Variants in TOM1L1 observed in about 807,000 individuals in gnomAD.
TOM1L1 encodes the protein TOM1-like protein 1.
Under a neutral mutation model 63.4 loss-of-function variants are expected in TOM1L1, and 64 were observed. The observed-to-expected ratio is 1.01, with a 90% CI of 0.83 to 1.24. The LOEUF is 1.24. Among genes scored for constraint, TOM1L1 ranks in the 50% most tolerant of loss-of-function variants. The probability of loss-of-function intolerance (pLI) is 0.00; values close to 1 mark genes in which losing one functional copy is unlikely to be tolerated. For synonymous variants in TOM1L1, 166 were observed against 194.4 expected (o/e 0.85, Z 1.22); for missense variants, 536 against 567.0 (o/e 0.95, Z 0.55).
chr17:54,932,755 C>A (rs942900392), intron 8 of TOM1L1, among the ~76,000 whole-genome samples: 1 of 152,148 alleles, frequency 6.6e-6, no homozygotes, highest in African/African-American at 2.4e-5. Flanking sequence ...AAGAAACTCA[C>A]AATTGTTACT....
At chr17:54,959,410 C>G (rs531272509) in intron 14 of TOM1L1, 4 of 151,906 alleles carry the variant, frequency 2.6e-5, no homozygotes, top group Admixed American at 1.3e-4. Context: ...CCTGGGAGGT[C>G]GAAGCTGCAA....
intron 11 of TOM1L1, among the ~76,000 whole-genome samples, chr17:54,945,542 CTGTT>C (rs767063009): frequency 1.2e-4 from 18 of 152,204 alleles, no homozygotes; most frequent in South Asian, 2.1e-4. Context: ...GTTTGGGGTC[CTGTT>C]TGTTTGTTTC....
rs2048834651 is a variant in TOM1L1 at position 54,930,157 on chromosome 17, C to T, written c.805C>T (p.Leu269=). ...GGAGAACGAAGATGTAACTGTTGAG[C>T]TAATTCAGGTGAATGAGGATTTGAA... ...VVENEDVTVE[L]IQVNEDLNNA... Residue 269 remains leucine, a synonymous_variant, in exon 8 of 16, where the codon CTA becomes TTA. Coordinates refer to ENST00000575882, the MANE Select transcript of TOM1L1 (RefSeq NM_005486.3). 2 of 1,614,052 alleles carry T rather than the reference C, an allele frequency of 1.2e-6. No homozygotes were observed. The highest frequency in any genetic ancestry group is 1.7e-6 in the Non-Finnish European group (2 of 1,179,994).
At chr17:54,957,623 A>G (rs1157993566) in intron 14 of TOM1L1, 1 of 152,108 alleles carries the variant, frequency 6.6e-6, no homozygotes, top group Admixed American at 6.5e-5. Flanking sequence ...GTTCTTTTGA[A>G]AGTCCCATGA....
chr17:54,952,619 C>T (rs2143989891), intron 14 of TOM1L1: 1 of 151,810 alleles, frequency 6.6e-6, no homozygotes, highest in East Asian at 1.9e-4. Context: ...CATGGACCTT[C>T]CTAATGTTAA....
In TOM1L1 at chr17:54,915,813, T is replaced by C. The variant is rs146206619; in HGVS notation, c.671T>C (p.Met224Thr). The C allele has an allele frequency of 3.5e-4, 558 of 1,613,888 alleles. 6 individuals carry two copies. In the East Asian group the frequency reaches 0.011, roughly 32 times the overall value. ...MNVRVMSAIL[M>T]ENTPGSENHE... ...GTGCGAGTGATGTCCGCCATATTGA[T>C]GGAGAATACTCCTGGGTCTGAAAAC... is the stretch of plus-strand genomic sequence containing the variant. The change falls in exon 7 of 16, where the codon ATG (methionine) becomes ACG (threonine). Residue 224 changes from methionine (M) to threonine (T), a missense_variant. Physicochemically the swap from Met to Thr is moderately conservative, Grantham distance 81 (BLOSUM62 -1). Transcript: ENST00000575882.
At chr17:54,938,699 TTCTC>T (rs1384826367) in intron 10 of TOM1L1, 34 of 387,192 alleles carry the variant, frequency 8.8e-5, no homozygotes, top group South Asian at 8.3e-4. Flanking sequence ...GGGAAATTCT[TTCTC>T]TCTCTACCTA....
intron 2 of TOM1L1, 82 bp downstream of exon 2, chr17:54,903,874 G>A (rs1019357353): frequency 3.9e-5 from 51 of 1,317,066 alleles, no homozygotes; most frequent in African/African-American, 2.8e-4. Flanking sequence ...CAAATATTTC[G>A]GTTTTGTTGT....
At position 54,914,804 on chromosome 17, in the gene TOM1L1, TAC is replaced by T. The variant is rs1225979063; in HGVS notation, c.603+63_603+64del. 4 of 1,342,324 alleles carry T rather than the reference TAC, an allele frequency of 3.0e-6. No individual in the cohort carries two copies. In the African/African-American group the frequency reaches 4.3e-5, roughly 15 times the overall value. The allele number at this position is 1,342,324 out of a possible 1,614,324, so 83.2% of individuals were successfully genotyped here. ...TTTCCTGATTTGTAAGCACCTTATA[TAC>T]AGTTTGTCTTTTCTGGTTAACAACA... On this transcript the variant is annotated intron_variant, in intron 6 of 15. Transcript: ENST00000575882.
rs58407367 is a variant in TOM1L1, at chr17:54,949,203, A to ATTTTTTTTTTTT, written c.1183-310_1183-299dup. Among the ~76,000 whole-genome samples the ATTTTTTTTTTTT allele has an allele frequency of 1.4e-3, 172 of 122,250 alleles. 1 individual carries two copies. The highest frequency in any genetic ancestry group is 2.8e-3 in the African/African-American group (87 of 31,458). The allele number at this position is 122,250 out of a possible 152,430, so 80.2% of individuals were successfully genotyped here. A position where few individuals can be genotyped will look rare whatever the true frequency, so the allele number is the denominator to read the frequency against. ...CAGGTGTGAGCCACCATGCCCAGCT[A>ATTTTTTTTTTTT]TTTTTTTTTTTTTTTTGTAGAGTTG... is the stretch of plus-strand genomic sequence containing the variant. On this transcript the variant is annotated intron_variant, in intron 12 of 15. Transcript: ENST00000575882.
intron 6 of TOM1L1, 72 bp downstream of exon 6, chr17:54,914,815 T>C: frequency 8.0e-7 from 1 of 1,252,550 alleles, no homozygotes; most frequent in African/African-American, 1.5e-5. Context: ...ACAGTTTGTC[T>C]TTTCTGGTTA....
chr17:54,910,835 A>G (rs1318850714), intron 3 of TOM1L1, among the ~76,000 whole-genome samples: 1 of 152,334 alleles, frequency 6.6e-6, no homozygotes, highest in African/African-American at 2.4e-5. Flanking sequence ...TTAAAACTAT[A>G]GCGTTTTAAG....
chr17:54,914,513 T>G, intron 5 of TOM1L1, 126 bp from the exon 6 acceptor site: 1 of 684,190 alleles, frequency 1.5e-6, no homozygotes, highest in Non-Finnish European at 2.6e-6. Context: ...TAGCTGATGA[T>G]TTACTCTGGG....
intron 5 of TOM1L1, 132 bp downstream of exon 5, chr17:54,914,005 T>G: frequency 3.1e-6 from 3 of 976,298 alleles, no homozygotes; most frequent in Non-Finnish European, 4.2e-6. Flanking sequence ...TATTGCAATA[T>G]CTCATAGAAT....
intron 4 of TOM1L1, among the ~76,000 whole-genome samples, chr17:54,913,394 G>A (rs564080676): frequency 1.3e-5 from 2 of 152,098 alleles, no homozygotes; most frequent in East Asian, 1.9e-4. Flanking sequence ...GGCTGGGTGC[G>A]GTGGCTCACG....
At position 54,960,615 on chromosome 17, in the gene TOM1L1, G is replaced by A. The variant is rs781722088; in HGVS notation, c.1420G>A (p.Asp474Asn). Residue 474 changes from aspartate (D) to asparagine (N), a missense_variant, in exon 15 of 16, where the codon GAT (aspartate) becomes AAT (asparagine). By Grantham distance (23) the Asp-to-Asn change is conservative. Transcript: ENST00000575882. The part of the protein sequence containing the change: ...DAHQHKGAQN[D>N]GD ...TCACCAGCACAAAGGAGCTCAAAAT[G>A]ATGGTGACTGAGGTAAAGACTTCAA... The A allele has an allele frequency of 6.2e-7, 1 of 1,611,100 alleles. No homozygotes were observed. The highest frequency in any genetic ancestry group is 1.1e-5 in the South Asian group (1 of 90,986).
chr17:54,950,711 C>T (rs556000724), intron 14 of TOM1L1, among the ~76,000 whole-genome samples: 1 of 152,248 alleles, frequency 6.6e-6, no homozygotes, highest in Admixed American at 6.5e-5. Context: ...TATTAAAGCA[C>T]GTTTATTGGA....
chr17:54,930,003 T>A, intron 7 of TOM1L1, 70 bp from the exon 8 acceptor site: 6 of 1,598,388 alleles, frequency 3.8e-6, no homozygotes, highest in Non-Finnish European at 5.1e-6. Flanking sequence ...TATGCGCAGA[T>A]TGGTGAGTCA....
intron 14 of TOM1L1, 141 bp from the exon 15 acceptor site, chr17:54,960,425 A>G: frequency 1.5e-6 from 1 of 649,382 alleles, no homozygotes; most frequent in East Asian, 2.6e-5. Context: ...TACACACTTC[A>G]GGGCAGAGAC....
Sources: gnomAD v4.1 joint callset for allele counts (sites outside exome capture counted in the v4.1 genomes callset) on GRCh38, gnomAD v4.1.1 for gene constraint, MANE v1.5 for transcripts, NCBI Gene and HGNC (gene_info 2026-07-23, HGNC 2026-07-21) for gene names.